Variants in AFAP1L1 observed in about 807,000 individuals in gnomAD.
The protein encoded by AFAP1L1 is actin filament associated protein 1 like 1.
Under a neutral mutation model 99.8 loss-of-function variants are expected in AFAP1L1, and 77 were observed. The observed-to-expected ratio is 0.77, with a 90% CI of 0.64 to 0.93. AFAP1L1 has a LOEUF of 0.93. AFAP1L1 is among the 40% of genes least tolerant of loss of function. The pLI is 0.00. For synonymous variants in AFAP1L1, 373 were observed against 395.3 expected, an observed-to-expected ratio of 0.94 and a Z score of 0.67; for missense variants, 893 against 996.8, an observed-to-expected ratio of 0.90 and a Z score of 1.40.
In AFAP1L1 at chr5:149,340,856, G is replaced by T. The variant is rs1217524301; in HGVS notation, c.*826G>T. The stretch of plus-strand genomic sequence containing the variant: ...TGACACTGAGGCTCTTGGAGCTATG[G>T]GTTAGAAATCCAGGAGGCAATATGT... On this transcript the variant is annotated 3_prime_UTR_variant, in exon 19 of 19. Transcript: ENST00000296721. 1 of 151,358 alleles carries T rather than the reference G, an allele frequency of 6.6e-6. No individual in the cohort carries two copies. The highest frequency in any genetic ancestry group is 1.5e-5 in the Non-Finnish European group (1 of 67,558). The allele number at this position is 151,358 out of a possible 1,614,324, so 9.4% of individuals were successfully genotyped here. A position where few individuals can be genotyped will look rare whatever the true frequency, so the allele number is the denominator to read the frequency against.
intron 1 of AFAP1L1, among the ~76,000 whole-genome samples, chr5:149,289,958 G>A (rs1300188183): frequency 1.3e-5 from 2 of 152,236 alleles, no homozygotes; most frequent in Admixed American, 1.3e-4. Context: ...TATGGGCCGG[G>A]TGCGGTGGCT....
At chr5:149,304,875 C>T (rs1008501130) in intron 5 of AFAP1L1, among the ~76,000 whole-genome samples, 5 of 152,188 alleles carry the variant, frequency 3.3e-5, no homozygotes, top group Non-Finnish European at 7.3e-5. Flanking sequence ...GAAACAGATG[C>T]ACAGGAGGGG....
At chr5:149,274,631 C>T (rs1057243238) in intron 1 of AFAP1L1, among the ~76,000 whole-genome samples, 3 of 152,238 alleles carry the variant, frequency 2.0e-5, no homozygotes, top group Non-Finnish European at 4.4e-5. Context: ...ATAACCCCAA[C>T]ACTTTGGGAG....
intron 5 of AFAP1L1, among the ~76,000 whole-genome samples, chr5:149,303,817 T>A (rs182923373): frequency 6.6e-6 from 1 of 152,364 alleles, no homozygotes; most frequent in East Asian, 1.9e-4. Context: ...CATACTCTTT[T>A]CTATTACTGT....
Position 149,316,253 on chromosome 5 carries a change from T to C in AFAP1L1, c.1217T>C (p.Leu406Pro), listed in dbSNP as rs114156302. The C allele has an allele frequency of 1.7e-4, 268 of 1,614,086 alleles. 1 individual carries two copies. In the African/African-American group the frequency reaches 3.2e-3, roughly 19 times the overall value. ...ATTGGCTTCTCCAAGAAGAAGACAC[T>C]GGCCGATGACCTGCAGACGTCCTCC... ...RIIGFSKKKT[L>P]ADDLQTSSTE... The change falls in exon 11 of 19, where the codon CTG becomes CCG. Residue 406 changes from leucine to proline, a missense_variant. Physicochemically the swap from Leu to Pro is moderately conservative, Grantham distance 98. Transcript: ENST00000296721.
intron 4 of AFAP1L1, 112 bp from the exon 5 acceptor site, chr5:149,302,306 C>T: frequency 1.5e-6 from 1 of 669,052 alleles, no homozygotes; most frequent in Non-Finnish European, 2.5e-6. Flanking sequence ...AAAGGTATGG[C>T]TTCACATTCA....
At chr5:149,273,841 C>G (rs577821113) in intron 1 of AFAP1L1, among the ~76,000 whole-genome samples, 47 of 151,870 alleles carry the variant, frequency 3.1e-4, no homozygotes, top group Non-Finnish European at 6.3e-4. Context: ...TTTTAAATAC[C>G]AACCTGTCTG....
At chr5:149,298,565 T>C (rs1472455511) in intron 1 of AFAP1L1, among the ~76,000 whole-genome samples, 1 of 152,212 alleles carries the variant, frequency 6.6e-6, no homozygotes, top group Non-Finnish European at 1.5e-5. Flanking sequence ...AAGGGCTGAA[T>C]ATAACTGATA....
At chr5:149,275,391 C>A (rs1250891368) in intron 1 of AFAP1L1, among the ~76,000 whole-genome samples, 1 of 152,184 alleles carries the variant, frequency 6.6e-6, no homozygotes, top group South Asian at 2.1e-4. Context: ...CACTTTTTGC[C>A]ATGTCCCTTC....
chr5:149,319,681 G>A lies in AFAP1L1; in HGVS notation c.1579G>A (p.Val527Met). 2.5e-6 allele frequency: 4 copies of A among 1,612,556 alleles called. No individual in the cohort carries two copies. The highest frequency in any genetic ancestry group is 1.7e-6 in the Non-Finnish European group (2 of 1,180,016). The change falls in exon 13 of 19, where the codon GTG becomes ATG. Residue 527 changes from valine to methionine, a missense_variant. Val to Met is a conservative substitution (Grantham distance 21). Transcript: ENST00000296721. ...PEALHYDYVDVETLTSIVSAG... is the reference protein window; with the variant it reads ...PEALHYDYVDMETLTSIVSAG... The stretch of plus-strand genomic sequence containing the variant: ...GGCGCTGCACTATGACTACGTGGAT[G>A]TGGAGACCTTAACCAGCATCGTCAG...
chr5:149,274,850 A>G, intron 1 of AFAP1L1, among the ~76,000 whole-genome samples: 1 of 146,914 alleles, frequency 6.8e-6, no homozygotes, highest in East Asian at 2.0e-4. Flanking sequence ...GAGCCATTGC[A>G]CTCCAGCCTG....
chr5:149,302,710 T>C, intron 5 of AFAP1L1, 184 bp downstream of exon 5: 1 of 505,284 alleles, frequency 2.0e-6, no homozygotes, highest in Non-Finnish European at 3.4e-6. Flanking sequence ...GGTGGACCAA[T>C]ATGTGGGGCC....
Position 149,299,505 on chromosome 5 carries a change from G to T in AFAP1L1, c.17-4G>T. The T allele has an allele frequency of 1.2e-6, 2 of 1,613,928 alleles. No homozygotes were observed. The highest frequency in any genetic ancestry group is 1.7e-6 in the Non-Finnish European group (2 of 1,179,954). On this transcript the variant is annotated splice_region_variant and splice_polypyrimidine_tract_variant and intron_variant, in intron 1 of 18. Transcript: ENST00000296721. ...TGACTGTGCCCGTCTGCCTTCCTCC[G>T]CAGTGCTGGAGCAGCTGCTCCCAGA...
intron 9 of AFAP1L1, among the ~76,000 whole-genome samples, chr5:149,314,643 T>TA (rs1407206422): frequency 6.6e-6 from 1 of 152,234 alleles, no homozygotes; most frequent in Non-Finnish European, 1.5e-5. Flanking sequence ...GGTGATTCTT[T>TA]ATTCTTGACA....
At chr5:149,318,432 C>T (rs943406521) in intron 12 of AFAP1L1, among the ~76,000 whole-genome samples, 3 of 152,208 alleles carry the variant, frequency 2.0e-5, no homozygotes, top group African/African-American at 7.2e-5. Context: ...AGAAGGTCCA[C>T]TGCCCCTCCC....
At chr5:149,272,901 C>T (rs1411368879) in intron 1 of AFAP1L1, among the ~76,000 whole-genome samples, 2 of 152,064 alleles carry the variant, frequency 1.3e-5, no homozygotes, top group African/African-American at 4.8e-5. Flanking sequence ...CGGGGTTTCA[C>T]CATATTGGCC....
intron 15 of AFAP1L1, 78 bp downstream of exon 15, chr5:149,322,795 G>A: frequency 2.5e-6 from 3 of 1,180,560 alleles, no homozygotes; most frequent in Non-Finnish European, 3.6e-6. Context: ...CTCAAAATCA[G>A]TTTCCCTGGT....
At chr5:149,296,608 C>T (rs1035730492) in intron 1 of AFAP1L1, among the ~76,000 whole-genome samples, 1 of 152,130 alleles carries the variant, frequency 6.6e-6, no homozygotes, top group Non-Finnish European at 1.5e-5. Flanking sequence ...AGAGAGAATG[C>T]GCGTTGGGAC....
At chr5:149,282,698 GTAGTATCTTGTCCT>G (rs1263243077) in intron 1 of AFAP1L1, among the ~76,000 whole-genome samples, 2 of 152,186 alleles carry the variant, frequency 1.3e-5, no homozygotes, top group African/African-American at 4.8e-5. Context: ...CCTAAAATAT[GTAGTATCTTGTCCT>G]TTACCGAAAA....
Sources: gnomAD v4.1 joint callset for allele counts (sites outside exome capture counted in the v4.1 genomes callset) on GRCh38, gnomAD v4.1.1 for gene constraint, MANE v1.5 for transcripts, NCBI Gene and HGNC (gene_info 2026-07-23, HGNC 2026-07-21) for gene names.